The following UAP1 variants were observed in gnomAD, a reference collection of about 807,000 sequenced individuals.
The protein encoded by UAP1 is UDP-N-acetylglucosamine pyrophosphorylase 1, also known as UDP-N-acetylhexosamine pyrophosphorylase.
In UAP1, 25 loss-of-function variants were observed where a neutral mutation model predicts 58.5. That is an observed-to-expected ratio of 0.43 (90% confidence interval 0.31 to 0.60). The LOEUF is 0.60. Ranked by LOEUF, UAP1 falls within the 20% of genes least tolerant of loss-of-function variation. The pLI, the probability that UAP1 is intolerant of heterozygous loss-of-function variation, is 0.11. For synonymous variants in UAP1, 208 were observed against 213.0 expected, an observed-to-expected ratio of 0.98 and a Z score of 0.21; for missense variants, 575 against 630.0, an observed-to-expected ratio of 0.91 and a Z score of 0.93.
intron 7 of UAP1, among the ~76,000 whole-genome samples, chr1:162,589,212 T>TAAA (rs1340738603): frequency 8.3e-6 from 1 of 121,104 alleles, no homozygotes; most frequent in African/African-American, 3.2e-5. Context: ...TATTTAAATA[T>TAAA]ATATAATATT....
intron 2 of UAP1, among the ~76,000 whole-genome samples, chr1:162,568,057 C>G (rs1653630092): frequency 6.6e-6 from 1 of 152,180 alleles, no homozygotes; most frequent in Non-Finnish European, 1.5e-5. Context: ...CTGGGCTTCT[C>G]CAAGTACTGC....
intron 2 of UAP1, among the ~76,000 whole-genome samples, chr1:162,576,037 A>G (rs1486846176): frequency 6.6e-6 from 1 of 152,184 alleles, no homozygotes; most frequent in African/African-American, 2.4e-5. Flanking sequence ...GCACATTTCC[A>G]TCACCATACA....
At chr1:162,576,847 C>A (rs138860141) in exon 3 of UAP1, 1 of 1,614,096 alleles carries the variant, frequency 6.2e-7, no homozygotes, top group Admixed American at 1.7e-5. Flanking sequence ...CAAGACTCGG[C>A]GTTGCATATC....
intron 5 of UAP1, among the ~76,000 whole-genome samples, chr1:162,584,223 T>C (rs1654776800): frequency 6.6e-6 from 1 of 152,216 alleles, no homozygotes; most frequent in South Asian, 2.1e-4. Flanking sequence ...GCAAAGACAC[T>C]CACTGTTTAG....
intron 2 of UAP1, among the ~76,000 whole-genome samples, chr1:162,574,977 C>T (rs1654084963): frequency 6.6e-6 from 1 of 152,184 alleles, no homozygotes; most frequent in Non-Finnish European, 1.5e-5. Flanking sequence ...GACAGGCTTC[C>T]AGACCAAAGA....
At chr1:162,597,106 G>A (rs1655662525) in intron 9 of UAP1, 1 of 152,102 alleles carries the variant, frequency 6.6e-6, no homozygotes, top group African/African-American at 2.4e-5. Context: ...GGACATTTGG[G>A]TTGTACAGAA....
intron 9 of UAP1, chr1:162,597,114 G>GA (rs775900560): frequency 1.3e-5 from 2 of 152,154 alleles, no homozygotes; most frequent in Non-Finnish European, 1.5e-5. Context: ...GGGTTGTACA[G>GA]AAAAAACATG....
chr1:162,592,727 C>T lies in UAP1; in HGVS notation c.1359-5C>T, dbSNP rs1655392221. The T allele has an allele frequency of 1.9e-6, 3 of 1,545,912 alleles. No homozygotes were observed. Among genetic ancestry groups the T allele is most frequent in the Non-Finnish European group, 2.6e-6 (3 of 1,142,560 alleles). On this transcript the variant is annotated splice_region_variant and splice_polypyrimidine_tract_variant and intron_variant, in intron 8 of 10. Transcript: ENST00000271469. The stretch of plus-strand genomic sequence containing the variant: ...TCCCATTAATCCTTATTTATTCCCA[C>T]ATAGCAGTGCTACAAATGGGAAGTC...
chr1:162,589,290 ATT>A (rs1378987756), intron 7 of UAP1, among the ~76,000 whole-genome samples: 1 of 131,910 alleles, frequency 7.6e-6, no homozygotes, highest in African/African-American at 2.8e-5. Context: ...ATAAATATAT[ATT>A]GTTTATATTA....
At chr1:162,587,527 A>G in exon 6 of UAP1, 1 of 1,614,036 alleles carries the variant, frequency 6.2e-7, no homozygotes, top group South Asian at 1.1e-5. Flanking sequence ...TGCCGAGTGG[A>G]TGGAGTTTAC....
At chr1:162,566,776 A>G (rs1271788996) in intron 2 of UAP1, among the ~76,000 whole-genome samples, 1 of 151,944 alleles carries the variant, frequency 6.6e-6, no homozygotes, top group Non-Finnish European at 1.5e-5. Flanking sequence ...ATAGGCATGC[A>G]CTACCACGCC....
chr1:162,578,224 C>T (rs1301669744), intron 3 of UAP1, among the ~76,000 whole-genome samples: 1 of 152,098 alleles, frequency 6.6e-6, no homozygotes, highest in Non-Finnish European at 1.5e-5. Context: ...TCAACAAAAG[C>T]TCTACTAGTT....
intron 9 of UAP1, among the ~76,000 whole-genome samples, chr1:162,594,119 A>ACACTTTATTTCTAT (rs1252048788): frequency 2.6e-5 from 4 of 152,188 alleles, no homozygotes; most frequent in African/African-American, 9.7e-5. Flanking sequence ...CATTTATAGT[A>ACACTTTATTTCTAT]CACTTTATTT....
chr1:162,577,464 T>C (rs931295434), intron 3 of UAP1, among the ~76,000 whole-genome samples: 1 of 139,550 alleles, frequency 7.2e-6, no homozygotes, highest in Non-Finnish European at 1.5e-5. Context: ...TTTTTTTTTT[T>C]TTGAGACAGG....
At chr1:162,593,908 C>T (rs1225781598) in intron 9 of UAP1, among the ~76,000 whole-genome samples, 2 of 152,136 alleles carry the variant, frequency 1.3e-5, no homozygotes, top group African/African-American at 4.8e-5. Flanking sequence ...TCTGCCCAGA[C>T]AAATTCCTGT....
At chr1:162,565,846 A>G (rs888258424) in intron 1 of UAP1, among the ~76,000 whole-genome samples, 166 bp from the exon 2 acceptor site, 4 of 152,236 alleles carry the variant, frequency 2.6e-5, no homozygotes, top group Admixed American at 1.3e-4. Flanking sequence ...TGCCTGGTAC[A>G]TATTATTGTC....
intron 9 of UAP1, among the ~76,000 whole-genome samples, chr1:162,596,760 T>G (rs1465108476): frequency 6.6e-6 from 1 of 152,182 alleles, no homozygotes; most frequent in Non-Finnish European, 1.5e-5. Flanking sequence ...TCCAGCAAAG[T>G]TTGAGACTAC....
At chr1:162,589,283 A>T (rs1390767716) in intron 7 of UAP1, among the ~76,000 whole-genome samples, 1 of 130,992 alleles carries the variant, frequency 7.6e-6, no homozygotes, top group Admixed American at 9.3e-5. Flanking sequence ...AATATATATA[A>T]ATATATATTG....
chr1:162,590,529 C>T lies in UAP1; in HGVS notation c.1358+18C>T. On this transcript the variant is annotated intron_variant, in intron 8 of 10. Transcript: ENST00000271469. ...ATTCCCCGGTAAGTCAGTATCTTTTCTCTTTTGTATGAATCCTTTCTTGGA... is the reference window on the plus strand; with the variant it reads ...ATTCCCCGGTAAGTCAGTATCTTTTTTCTTTTGTATGAATCCTTTCTTGGA... The T allele has an allele frequency of 6.3e-7, 1 of 1,585,334 alleles. No individual in the cohort carries two copies. Among genetic ancestry groups the T allele is most frequent in the Non-Finnish European group, 8.6e-7 (1 of 1,165,542 alleles).
Sources: allele counts gnomAD v4.1 joint callset (sites outside exome capture counted in the v4.1 genomes callset), GRCh38; gene constraint gnomAD v4.1.1; transcripts MANE v1.5; gene names NCBI Gene and HGNC (gene_info 2026-07-23, HGNC 2026-07-21).